NFYC: variants seen among roughly 807,000 people sequenced by gnomAD.
NFYC encodes the protein nuclear transcription factor Y subunit gamma, also known as CAAT box DNA-binding protein subunit C.
Under a neutral mutation model 53.1 loss-of-function variants are expected in NFYC, and 25 were observed. The observed-to-expected ratio is 0.47, with a 90% CI of 0.34 to 0.66. NFYC has a LOEUF of 0.66. Ranked by LOEUF, NFYC falls within the 30% of genes least tolerant of loss-of-function variation. The pLI, the probability that NFYC is intolerant of heterozygous loss-of-function variation, is 0.01. For missense variants in NFYC, 260 were observed against 422.7 expected (o/e 0.62, Z 3.38); for synonymous variants, 145 against 152.6 (o/e 0.95, Z 0.37).
chr1:40,730,862 G>C (rs138349766), intron 1 of NFYC, among the ~76,000 whole-genome samples: 3 of 152,316 alleles, frequency 2.0e-5, no homozygotes, highest in Non-Finnish European at 4.4e-5. Flanking sequence ...GTAGTACAGA[G>C]GGTCTTCAGA....
At chr1:40,707,740 A>G (rs1476974284) in intron 1 of NFYC, among the ~76,000 whole-genome samples, 7 of 151,530 alleles carry the variant, frequency 4.6e-5, no homozygotes, top group Admixed American at 4.6e-4. Context: ...TCAGGAGGCT[A>G]AGGTGGGAAG....
chr1:40,738,781 C>A, intron 1 of NFYC, 55 bp from the exon 2 acceptor site: 1 of 1,298,842 alleles, frequency 7.7e-7, no homozygotes, highest in Non-Finnish European at 1.1e-6. Flanking sequence ...CTAATCTGGA[C>A]AGAAAGTCTG....
chr1:40,702,526 T>G (rs1485652335), intron 1 of NFYC, among the ~76,000 whole-genome samples: 1 of 151,774 alleles, frequency 6.6e-6, no homozygotes, highest in Non-Finnish European at 1.5e-5. Context: ...GTATTTTTAG[T>G]AGTGGTGGGG....
intron 5 of NFYC, among the ~76,000 whole-genome samples, chr1:40,757,632 C>A (rs1646298623): frequency 6.6e-6 from 1 of 152,200 alleles, no homozygotes; most frequent in Admixed American, 6.5e-5. Context: ...TCAGGAAAAG[C>A]CCTGTTTCCC....
chr1:40,766,559 ATGTCT>A, intron 7 of NFYC, 32 bp from the exon 8 acceptor site: 22 of 1,488,588 alleles, frequency 1.5e-5, no homozygotes, highest in Non-Finnish European at 1.8e-5. Context: ...ATTATACTCA[ATGTCT>A]TATGGTCTCT....
At chr1:40,741,168 A>G (rs1226675692) in intron 2 of NFYC, among the ~76,000 whole-genome samples, 2 of 152,160 alleles carry the variant, frequency 1.3e-5, no homozygotes, top group Non-Finnish European at 2.9e-5. Flanking sequence ...CCTACTTACA[A>G]TGATTCAACT....
At chr1:40,697,607 G>A (rs2148406658) in intron 1 of NFYC, among the ~76,000 whole-genome samples, 1 of 152,324 alleles carries the variant, frequency 6.6e-6, no homozygotes, top group Middle Eastern at 3.4e-3. Context: ...TTTTCATTCT[G>A]ACCAGAAGGA....
intron 6 of NFYC, among the ~76,000 whole-genome samples, chr1:40,761,089 G>A (rs1338986285): frequency 6.6e-6 from 1 of 152,206 alleles, no homozygotes; most frequent in Non-Finnish European, 1.5e-5. Flanking sequence ...CAGCTGCCAT[G>A]CTAACACAAG....
chr1:40,726,409 C>T (rs558860844), intron 1 of NFYC, among the ~76,000 whole-genome samples: 11 of 148,008 alleles, frequency 7.4e-5, no homozygotes, highest in Non-Finnish European at 1.5e-4. Context: ...TGAGCCACCG[C>T]ATCTGGCCTG....
intron 2 of NFYC, among the ~76,000 whole-genome samples, chr1:40,739,229 C>T (rs1013015290): frequency 6.6e-6 from 1 of 152,158 alleles, no homozygotes. Context: ...TTAGGACTTA[C>T]AGAAAAACAG....
In NFYC at chr1:40,770,534, C is replaced by T; in HGVS notation, c.889-175C>T. The T allele has an allele frequency of 1.3e-6, 2 of 1,568,036 alleles. No individual in the cohort carries two copies. Among genetic ancestry groups the T allele is most frequent in the Non-Finnish European group, 1.7e-6 (2 of 1,156,302 alleles). On this transcript the variant is annotated intron_variant, in intron 9 of 9. Coordinates refer to ENST00000447388, the MANE Select transcript of NFYC (RefSeq NM_014223.5). This position sits in a 1 kb window ranked among gnomAD's most constrained non-coding sequence, Gnocchi z 5.3. ...ACCCCCCCTCACACCGGGCTGGTGCCTCCTGTGTCTGCTGCTCCCAACCCC... is the reference window on the plus strand; with the variant it reads ...ACCCCCCCTCACACCGGGCTGGTGCTTCCTGTGTCTGCTGCTCCCAACCCC...
At chr1:40,735,532 C>A in intron 1 of NFYC, 4 of 939,094 alleles carry the variant, frequency 4.3e-6, no homozygotes, top group Non-Finnish European at 5.1e-6. Context: ...GAATTGTGTA[C>A]CTTTGTAATG....
intron 8 of NFYC, among the ~76,000 whole-genome samples, chr1:40,768,447 C>T (rs892952663): frequency 1.3e-5 from 2 of 152,204 alleles, no homozygotes; most frequent in Non-Finnish European, 2.9e-5. Flanking sequence ...CTCATAGCCT[C>T]ATGGGTAGGC....
intron 2 of NFYC, among the ~76,000 whole-genome samples, chr1:40,746,367 A>T (rs1182611130): frequency 6.6e-6 from 1 of 152,240 alleles, no homozygotes; most frequent in Non-Finnish European, 1.5e-5. Flanking sequence ...CTATAATCAT[A>T]AAATAGGTTC....
At chr1:40,756,596 C>G (rs1039416746) in intron 5 of NFYC, among the ~76,000 whole-genome samples, 5 of 152,224 alleles carry the variant, frequency 3.3e-5, no homozygotes, top group South Asian at 2.1e-4. Context: ...ATACTCAGCT[C>G]TGTTCCACAG....
At chr1:40,724,384 TAAATA>T (rs1405863230) in intron 1 of NFYC, among the ~76,000 whole-genome samples, 3 of 152,084 alleles carry the variant, frequency 2.0e-5, no homozygotes, top group African/African-American at 4.8e-5. Flanking sequence ...AATGAATAAA[TAAATA>T]AATAATTAGG....
chr1:40,765,755 G>A (rs939755062), intron 7 of NFYC, among the ~76,000 whole-genome samples: 12 of 152,176 alleles, frequency 7.9e-5, no homozygotes, highest in Admixed American at 3.9e-4. Context: ...TCTCTGATGT[G>A]GTAACCGCCT....
intron 9 of NFYC, among the ~76,000 whole-genome samples, chr1:40,769,744 CCT>C (rs1477487500): frequency 1.3e-5 from 2 of 152,040 alleles, no homozygotes; most frequent in African/African-American, 2.4e-5. Context: ...TTCCTGTTTC[CCT>C]CTCTAGAACT....
At chr1:40,721,102 A>G (rs1644311331) in intron 1 of NFYC, among the ~76,000 whole-genome samples, 1 of 152,240 alleles carries the variant, frequency 6.6e-6, no homozygotes, top group Non-Finnish European at 1.5e-5. Context: ...AAGCAAGTGA[A>G]TATGCTAATT....
Sources: allele counts gnomAD v4.1 joint callset (sites outside exome capture counted in the v4.1 genomes callset), GRCh38; gene constraint gnomAD v4.1.1; non-coding constraint Gnocchi (gnomAD v3.1); transcripts MANE v1.5; gene names NCBI Gene and HGNC (gene_info 2026-07-23, HGNC 2026-07-21).